MINDY4: variants seen among roughly 807,000 people sequenced by gnomAD.
MINDY4 encodes the protein MINDY lysine 48 deubiquitinase 4, also known as probable ubiquitin carboxyl-terminal hydrolase MINDY-4.
A neutral mutation model predicts 87.0 loss-of-function variants in MINDY4; 68 were observed. The observed-to-expected ratio is 0.78, with a 90% CI of 0.64 to 0.96. MINDY4 has a LOEUF of 0.96. Among genes scored for constraint, MINDY4 ranks in the 40% least tolerant of loss-of-function variants. The probability of loss-of-function intolerance (pLI) is 0.00; values close to 1 mark genes in which losing one functional copy is unlikely to be tolerated. For synonymous variants in MINDY4, 379 were observed against 363.2 expected (o/e 1.04, Z -0.50); for missense variants, 919 against 928.2 (o/e 0.99, Z 0.13).
chr7:30,875,361 T>C, intron 14 of MINDY4, 134 bp from the exon 15 acceptor site: 2 of 987,052 alleles, frequency 2.0e-6, no homozygotes, highest in Non-Finnish European at 1.6e-6. Flanking sequence ...AGTCACAGCC[T>C]CCTCTGCTCT....
intron 17 of MINDY4, among the ~76,000 whole-genome samples, chr7:30,888,802 G>A (rs1208042501): frequency 1.3e-5 from 2 of 152,158 alleles, no homozygotes; most frequent in Non-Finnish European, 2.9e-5. Context: ...GCCCCTGTTG[G>A]CTGGATGGAG....
chr7:30,882,491 C>T (rs941756256), intron 16 of MINDY4, 130 bp downstream of exon 16: 2 of 863,984 alleles, frequency 2.3e-6, no homozygotes, highest in African/African-American at 3.4e-5. Context: ...AGCATCCAGA[C>T]TGGGGGATCA....
chr7:30,801,092 G>A (rs1562535231), intron 5 of MINDY4, among the ~76,000 whole-genome samples: 2 of 152,076 alleles, frequency 1.3e-5, no homozygotes, highest in Non-Finnish European at 2.9e-5. Flanking sequence ...TGAAAGCCAC[G>A]GGCGCACAGA....
At chr7:30,774,870 C>T (rs745650099) in intron 1 of MINDY4, among the ~76,000 whole-genome samples, 8 of 151,932 alleles carry the variant, frequency 5.3e-5, no homozygotes, top group African/African-American at 7.3e-5. Context: ...TTCTTCTTTC[C>T]GTTCACTCTC....
At chr7:30,857,586 C>T (rs1437143149) in intron 12 of MINDY4, among the ~76,000 whole-genome samples, 1 of 109,196 alleles carries the variant, frequency 9.2e-6, no homozygotes, top group Admixed American at 8.0e-5. Flanking sequence ...CATTCTCCTG[C>T]CTCAGCCTCC....
At chr7:30,789,168 G>A (rs368593149) in intron 4 of MINDY4, among the ~76,000 whole-genome samples, 82 of 36,644 alleles carry the variant, frequency 2.2e-3, no homozygotes, top group African/African-American at 0.011. Flanking sequence ...TCTGAGGACC[G>A]GTGAACCAGA....
At chr7:30,878,916 A>G (rs1790371415) in intron 15 of MINDY4, among the ~76,000 whole-genome samples, 1 of 152,228 alleles carries the variant, frequency 6.6e-6, no homozygotes, top group Non-Finnish European at 1.5e-5. Flanking sequence ...CAGAGCCACC[A>G]GCATCGCTGA....
chr7:30,856,553 T>A (rs1179694054), intron 12 of MINDY4, among the ~76,000 whole-genome samples: 1 of 151,888 alleles, frequency 6.6e-6, no homozygotes, highest in Non-Finnish European at 1.5e-5. Flanking sequence ...GTCTGTTACT[T>A]CACTGCAGGT....
intron 15 of MINDY4, among the ~76,000 whole-genome samples, chr7:30,881,638 G>A (rs983539515): frequency 1.3e-5 from 2 of 152,210 alleles, no homozygotes; most frequent in African/African-American, 4.8e-5. Flanking sequence ...CAGAGGTGCT[G>A]CGGCTGAGGT....
chr7:30,882,207 G>C lies in MINDY4; in HGVS notation c.1998G>C (p.Arg666Ser), dbSNP rs747969600. Residue 666 changes from arginine to serine, a missense_variant, in exon 16 of 18, where the codon AGG becomes AGC. Transcript: ENST00000265299. ...TTGGCTGCTTCCTGAAGACCCCGAG[G>C]TTCCCCATCTGGGTGGTTTGCAGTG... is the stretch of plus-strand genomic sequence containing the variant. The part of the protein sequence containing the change: ...CQVGCFLKTP[R>S]FPIWVVCSES... The C allele has an allele frequency of 8.7e-6, 14 of 1,611,526 alleles. No homozygotes were observed. In the East Asian group the frequency reaches 3.1e-4, roughly 36 times the overall value.
chr7:30,844,822 GA>G (rs1745309485), intron 9 of MINDY4, among the ~76,000 whole-genome samples: 1 of 152,198 alleles, frequency 6.6e-6, no homozygotes, highest in African/African-American at 2.4e-5. Context: ...TGTGGAAACA[GA>G]GCATCACTTT....
chr7:30,888,725 T>C lies in MINDY4; in HGVS notation c.2226-3232T>C, dbSNP rs550589182. The stretch of plus-strand genomic sequence containing the variant: ...GCCCTTTCAATTTTTAAAATGTCTC[T>C]GCTTTGATTTTCTATTGTAATTGCA... On this transcript the variant is annotated intron_variant, in intron 17 of 17. Transcript: ENST00000265299. 1.3e-3 allele frequency among the ~76,000 whole-genome samples: 199 copies of C among 152,374 alleles called. 1 individual carries two copies. Among genetic ancestry groups the C allele is most frequent in the African/African-American group, 4.5e-3 (186 of 41,578 alleles).
chr7:30,810,087 A>G (rs1456516335), intron 5 of MINDY4, among the ~76,000 whole-genome samples: 1 of 149,494 alleles, frequency 6.7e-6, no homozygotes, highest in Non-Finnish European at 1.5e-5. Flanking sequence ...GAGGCAGGAG[A>G]ATCGCTTGAA....
At position 30,871,333 on chromosome 7, in the gene MINDY4, C is replaced by T. The variant is rs529964119; in HGVS notation, c.1746-910C>T. 2.0e-5 allele frequency among the ~76,000 whole-genome samples: 3 copies of T among 152,344 alleles called. No homozygotes were observed. In the South Asian group the frequency reaches 6.2e-4, roughly 32 times the overall value. ...CACAGTGAGTAGATAGCAGCTCCTT[C>T]CCTGTGTGCTCCTTACAGGGCTCTG... On this transcript the variant is annotated intron_variant, in intron 13 of 17. Transcript: ENST00000265299.
chr7:30,791,191 A>G lies in MINDY4; in HGVS notation c.690A>G (p.Arg230=). The stretch of plus-strand genomic sequence containing the variant: ...ATTCTTTTCACAGACACTATCTGAG[A>G]CGGTCCTCACCGTCAAGCAGCTCCA... ...PQDSFHRHYL[R]RSSPSSSSTQ... The change falls in exon 5 of 18, where the codon AGA becomes AGG. Residue 230 remains arginine (R), a synonymous_variant. Transcript: ENST00000265299. The G allele has an allele frequency of 6.2e-7, 1 of 1,613,544 alleles. No homozygotes were observed. The highest frequency in any genetic ancestry group is 8.5e-7 in the Non-Finnish European group (1 of 1,179,744).
intron 15 of MINDY4, among the ~76,000 whole-genome samples, chr7:30,878,994 T>C (rs1790373907): frequency 6.6e-6 from 1 of 152,218 alleles, no homozygotes; most frequent in African/African-American, 2.4e-5. Flanking sequence ...TTTCCAATCC[T>C]GTCCCTTCAC....
In MINDY4 at chr7:30,804,782, G is replaced by A. The variant is rs1210671320; in HGVS notation, c.1073+13208G>A. ...AGTTCATGCAGGTTTTCTGGCTTTTGGGGCCTTAGTCTTAATCATTATCCT... is the reference window on the plus strand; with the variant it reads ...AGTTCATGCAGGTTTTCTGGCTTTTAGGGCCTTAGTCTTAATCATTATCCT... On this transcript the variant is annotated intron_variant, in intron 5 of 17. Coordinates refer to ENST00000265299, the MANE Select transcript of MINDY4 (RefSeq NM_032222.3). 5.3e-5 allele frequency among the ~76,000 whole-genome samples: 8 copies of A among 152,284 alleles called. No individual in the cohort carries two copies. In the South Asian group the frequency reaches 1.5e-3, roughly 28 times the overall value.
chr7:30,807,588 A>T (rs1004056347), intron 5 of MINDY4, among the ~76,000 whole-genome samples: 2 of 152,192 alleles, frequency 1.3e-5, no homozygotes, highest in African/African-American at 4.8e-5. Context: ...AAGAAAGAAG[A>T]AGTAAAAACT....
intron 5 of MINDY4, among the ~76,000 whole-genome samples, chr7:30,793,593 G>A (rs557362607): frequency 6.6e-6 from 1 of 151,970 alleles, no homozygotes; most frequent in East Asian, 1.9e-4. Context: ...CTAATATTTT[G>A]TATTTTTTGT....
Sources: gnomAD v4.1 joint callset for allele counts (sites outside exome capture counted in the v4.1 genomes callset) on GRCh38, gnomAD v4.1.1 for gene constraint, MANE v1.5 for transcripts, NCBI Gene and HGNC (gene_info 2026-07-23, HGNC 2026-07-21) for gene names.